NRG1: variants seen among roughly 807,000 people sequenced by gnomAD.
NRG1 encodes pro-neuregulin-1, membrane-bound isoform.
NRG1 carries 18 observed loss-of-function variants against 63.8 expected under a neutral mutation model. That is an observed-to-expected ratio of 0.28 (90% CI 0.19 to 0.42). NRG1 has a LOEUF of 0.42. Ranked by LOEUF, NRG1 falls within the 10% of genes least tolerant of loss-of-function variation. The pLI, the probability that NRG1 is intolerant of heterozygous loss-of-function variation, is 1.00. For synonymous variants in NRG1, 302 were observed against 301.3 expected (o/e 1.00, Z -0.02); for missense variants, 762 against 814.7 (o/e 0.94, Z 0.79).
chr8:31,950,042 G>A (rs1803225571), intron 1 of NRG1, among the ~76,000 whole-genome samples: 1 of 152,092 alleles, frequency 6.6e-6, no homozygotes, highest in Non-Finnish European at 1.5e-5. Context: ...CTGCCACCCT[G>A]CTGTCACCCC....
At chr8:31,876,764 GAAGGGTACCAC>G (rs1194679008) in intron 1 of NRG1, among the ~76,000 whole-genome samples, 1 of 152,104 alleles carries the variant, frequency 6.6e-6, no homozygotes, top group East Asian at 1.9e-4. Flanking sequence ...CTCTCTTAAA[GAAGGGTACCAC>G]ATTGATGATG....
intron 1 of NRG1, among the ~76,000 whole-genome samples, chr8:32,585,506 C>T (rs1841446459): frequency 6.6e-6 from 1 of 152,156 alleles, no homozygotes; most frequent in South Asian, 2.1e-4. Flanking sequence ...CTTTACACCT[C>T]GAAAGAACAA....
intron 1 of NRG1, among the ~76,000 whole-genome samples, chr8:31,906,602 G>C (rs907938178): frequency 6.6e-6 from 1 of 151,902 alleles, no homozygotes; most frequent in African/African-American, 2.4e-5. Context: ...TTTTCATTCC[G>C]AGCAGTACTT....
chr8:32,712,577 C>T (rs1474870867), intron 5 of NRG1, among the ~76,000 whole-genome samples: 2 of 152,112 alleles, frequency 1.3e-5, no homozygotes, highest in Non-Finnish European at 2.9e-5. Context: ...GGAATCAGTA[C>T]AGATCCATGT....
At chr8:31,944,655 T>C (rs752283460) in intron 1 of NRG1, among the ~76,000 whole-genome samples, 2 of 152,160 alleles carry the variant, frequency 1.3e-5, no homozygotes, top group Admixed American at 6.6e-5. Context: ...ATTTCACAGA[T>C]CCTAAACATG....
intron 1 of NRG1, among the ~76,000 whole-genome samples, chr8:32,285,854 G>A (rs1482813417): frequency 6.6e-6 from 1 of 152,114 alleles, no homozygotes; most frequent in Admixed American, 6.5e-5. Context: ...AACTCTGGCT[G>A]CTCTTTAAGT....
At chr8:32,010,982 T>C (rs1814661014) in intron 1 of NRG1, among the ~76,000 whole-genome samples, 1 of 152,080 alleles carries the variant, frequency 6.6e-6, no homozygotes, top group Admixed American at 6.6e-5. Flanking sequence ...TTTAGGTGTT[T>C]GCTTTAAAAA....
intron 4 of NRG1, among the ~76,000 whole-genome samples, chr8:32,615,933 T>C (rs1443507533): frequency 2.0e-5 from 3 of 152,100 alleles, no homozygotes; most frequent in Non-Finnish European, 4.4e-5. Context: ...TACACGTTTC[T>C]GTAATATAGG....
At chr8:32,121,682 C>T (rs1301752225) in intron 1 of NRG1, among the ~76,000 whole-genome samples, 1 of 151,640 alleles carries the variant, frequency 6.6e-6, no homozygotes, top group African/African-American at 2.4e-5. Flanking sequence ...TATTTTGAGA[C>T]CGTAATAAGA....
rs142355757 is a variant in NRG1 at position 32,695,215 on chromosome 8, T to A, written c.503-32734T>A. 3.1e-3 allele frequency among the ~76,000 whole-genome samples: 464 copies of A among 151,910 alleles called. 3 individuals are homozygous for A. The highest frequency in any genetic ancestry group is 0.011 in the African/African-American group (436 of 41,420). On this transcript the variant is annotated intron_variant, in intron 5 of 11. Transcript: ENST00000356819. ...AATTAGTTGGGGATGGTGGCGCATA[T>A]CTGTAATCCCAGCTACTGAGGAGGC...
At chr8:32,543,001 T>C (rs1832719840) in intron 1 of NRG1, among the ~76,000 whole-genome samples, 1 of 152,174 alleles carries the variant, frequency 6.6e-6, no homozygotes, top group African/African-American at 2.4e-5. Flanking sequence ...TAATTAGTCA[T>C]TGATTGATAG....
chr8:32,670,274 A>T (rs990673308), intron 5 of NRG1, among the ~76,000 whole-genome samples: 1 of 152,162 alleles, frequency 6.6e-6, no homozygotes, highest in African/African-American at 2.4e-5. Flanking sequence ...TTTAGGACAA[A>T]TCGCATTCCA....
chr8:32,293,450 C>T (rs1243046946), intron 1 of NRG1, among the ~76,000 whole-genome samples: 1 of 152,122 alleles, frequency 6.6e-6, no homozygotes, highest in Non-Finnish European at 1.5e-5. Flanking sequence ...CATGCTGACA[C>T]ATTGATTTTG....
chr8:32,761,609 TTATTG>T (rs1451845610), intron 11 of NRG1, among the ~76,000 whole-genome samples: 1 of 144,756 alleles, frequency 6.9e-6, no homozygotes, highest in African/African-American at 2.5e-5. Context: ...TTATTTTATT[TTATTG>T]TCATCTTAGT....
At chr8:32,214,500 A>G in intron 1 of NRG1, among the ~76,000 whole-genome samples, 1 of 151,568 alleles carries the variant, frequency 6.6e-6, no homozygotes, top group East Asian at 1.9e-4. Context: ...GTTTTTTGCC[A>G]GCCTTGATGG....
chr8:31,857,257 C>A (rs1202157650), intron 1 of NRG1, among the ~76,000 whole-genome samples: 1 of 152,252 alleles, frequency 6.6e-6, no homozygotes, highest in African/African-American at 2.4e-5. Flanking sequence ...TGCTAGCAAT[C>A]AGCAAGACTC....
intron 1 of NRG1, among the ~76,000 whole-genome samples, chr8:31,947,073 G>C (rs1470884149): frequency 6.6e-6 from 1 of 152,052 alleles, no homozygotes; most frequent in Non-Finnish European, 1.5e-5. Flanking sequence ...GGCCGAGGCG[G>C]GTGGATCATG....
chr8:32,632,000 G>C (rs1053157804), intron 5 of NRG1, among the ~76,000 whole-genome samples: 1 of 151,990 alleles, frequency 6.6e-6, no homozygotes, highest in African/African-American at 2.4e-5. Context: ...TAATGAAAAA[G>C]GTAAATGCTG....
intron 1 of NRG1, among the ~76,000 whole-genome samples, chr8:32,122,290 G>A (rs553625762): frequency 3.3e-5 from 5 of 151,920 alleles, no homozygotes; most frequent in Non-Finnish European, 7.4e-5. Flanking sequence ...AGTAGGGGTG[G>A]GACAGCTCCC....
Sources: allele counts gnomAD v4.1 joint callset (sites outside exome capture counted in the v4.1 genomes callset), GRCh38; gene constraint gnomAD v4.1.1; transcripts MANE v1.5; gene names NCBI Gene and HGNC (gene_info 2026-07-23, HGNC 2026-07-21).